The following CDC45 variants were observed in gnomAD, a reference collection of about 807,000 sequenced individuals.
The protein encoded by CDC45 is cell division control protein 45 homolog.
CDC45 carries 54 observed loss-of-function variants against 77.8 expected under a neutral mutation model. The observed-to-expected ratio is 0.69, with a 90% CI of 0.56 to 0.87. CDC45 has a LOEUF of 0.87. CDC45 is among the 40% of genes least tolerant of loss of function. The pLI, the probability that CDC45 is intolerant of heterozygous loss-of-function variation, is 0.00. For missense variants in CDC45, 649 were observed against 721.6 expected (o/e 0.90, Z 1.15); for synonymous variants, 260 against 272.1 (o/e 0.96, Z 0.44).
intron 5 of CDC45, among the ~76,000 whole-genome samples, chr22:19,488,002 A>G (rs2090099130): frequency 6.6e-6 from 1 of 151,438 alleles, no homozygotes; most frequent in Non-Finnish European, 1.5e-5. Context: ...TAAAGGTTGG[A>G]TGTTAGAGCT....
chr22:19,484,031 C>T (rs1245148622), intron 5 of CDC45, 26 bp downstream of exon 5: 2 of 1,573,786 alleles, frequency 1.3e-6, no homozygotes, highest in African/African-American at 1.4e-5. Context: ...TCACAGCTAT[C>T]CCAGAGGAAC....
chr22:19,505,939 TG>T (rs1221849221), intron 10 of CDC45, among the ~76,000 whole-genome samples: 1 of 152,002 alleles, frequency 6.6e-6, no homozygotes, highest in Non-Finnish European at 1.5e-5. Context: ...CAGGAGGGGC[TG>T]GGGGACTGGC....
chr22:19,494,898 T>C (rs2090215663), intron 6 of CDC45, among the ~76,000 whole-genome samples: 1 of 152,074 alleles, frequency 6.6e-6, no homozygotes, highest in Non-Finnish European at 1.5e-5. Context: ...CCCCCTCGGA[T>C]AAGGACAACG....
At chr22:19,499,790 T>A (rs904496275) in intron 9 of CDC45, among the ~76,000 whole-genome samples, 1 of 152,166 alleles carries the variant, frequency 6.6e-6, no homozygotes, top group African/African-American at 2.4e-5. Flanking sequence ...TCAGGCAGAA[T>A]CTCTTAGGGA....
At chr22:19,499,072 G>A (rs1332026995) in intron 8 of CDC45, 29 bp from the exon 9 acceptor site, 1 of 1,613,326 alleles carries the variant, frequency 6.2e-7, no homozygotes, top group Admixed American at 1.7e-5. Flanking sequence ...TGGGCTATAG[G>A]CCGGCTCCAC....
intron 8 of CDC45, among the ~76,000 whole-genome samples, chr22:19,497,693 C>T (rs1440428099): frequency 1.3e-5 from 2 of 152,160 alleles, no homozygotes; most frequent in Non-Finnish European, 2.9e-5. Flanking sequence ...TACAGCTTCA[C>T]CTTCCCCACT....
chr22:19,498,812 G>C (rs1437362411), intron 8 of CDC45, among the ~76,000 whole-genome samples: 4 of 152,306 alleles, frequency 2.6e-5, no homozygotes, highest in Middle Eastern at 3.4e-3. Context: ...GGGTGGGAGT[G>C]CTGGCTCCTA....
chr22:19,490,455 A>G (rs956040931), intron 5 of CDC45, among the ~76,000 whole-genome samples: 30 of 151,882 alleles, frequency 2.0e-4, no homozygotes, highest in Admixed American at 5.9e-4. Context: ...GCTCACTGCA[A>G]CCTCTGCCTC....
intron 12 of CDC45, 127 bp downstream of exon 12, chr22:19,507,991 AAAC>A (rs1456965850): frequency 4.6e-6 from 3 of 646,892 alleles, no homozygotes; most frequent in African/African-American, 1.8e-5. Context: ...AATGCAAAAA[AAAC>A]AACAACCCGA....
intron 10 of CDC45, among the ~76,000 whole-genome samples, chr22:19,505,717 G>T (rs901091006): frequency 1.3e-5 from 2 of 152,246 alleles, no homozygotes; most frequent in African/African-American, 2.4e-5. Flanking sequence ...TCCCTGTAAA[G>T]TGCTTATTGT....
chr22:19,488,080 A>G (rs2090100536), intron 5 of CDC45, among the ~76,000 whole-genome samples: 1 of 152,190 alleles, frequency 6.6e-6, no homozygotes. Flanking sequence ...CAGGTGCTAT[A>G]ATATCGTGGC....
intron 6 of CDC45, chr22:19,494,584 C>G (rs548610021): frequency 1.3e-6 from 2 of 1,546,896 alleles, no homozygotes; most frequent in African/African-American, 1.4e-5. Context: ...AGTGACAGGA[C>G]AGCCCCAAGG....
At chr22:19,485,918 AC>A (rs2090059947) in intron 5 of CDC45, among the ~76,000 whole-genome samples, 1 of 152,244 alleles carries the variant, frequency 6.6e-6, no homozygotes, top group African/African-American at 2.4e-5. Flanking sequence ...CTCAAAAAAA[AC>A]AAAAACAGTT....
Position 19,494,376 on chromosome 22 carries a change from C to T in CDC45, c.536C>T (p.Ala179Val). The change falls in exon 6 of 19, where the codon GCC becomes GTC. Residue 179 changes from alanine (A) to valine (V), a missense_variant. Ala to Val is a moderately conservative substitution (Grantham distance 64). Coordinates refer to ENST00000263201, the MANE Select transcript of CDC45 (RefSeq NM_003504.5). ...AGGAGGCAGCGGCGAGAGTGGGAGGCCCGGAGGTGAGTCTGTGCTTCCAGC... is the reference window on the plus strand; with the variant it reads ...AGGAGGCAGCGGCGAGAGTGGGAGGTCCGGAGGTGAGTCTGTGCTTCCAGC... ...MRRRQRREWE[A>V]RRRDILFDYE... is the part of the protein sequence containing the mutation. 1 of 1,613,414 alleles carries T rather than the reference C, an allele frequency of 6.2e-7. No individual in the cohort carries two copies. The highest frequency in any genetic ancestry group is 8.5e-7 in the Non-Finnish European group (1 of 1,179,918).
At chr22:19,485,379 T>C (rs1284763071) in intron 5 of CDC45, among the ~76,000 whole-genome samples, 1 of 152,240 alleles carries the variant, frequency 6.6e-6, no homozygotes, top group African/African-American at 2.4e-5. Flanking sequence ...ATACTGATCA[T>C]GTAAATGAGC....
At chr22:19,498,665 A>C (rs556360748) in intron 8 of CDC45, among the ~76,000 whole-genome samples, 8 of 152,272 alleles carry the variant, frequency 5.3e-5, no homozygotes, top group African/African-American at 1.9e-4. Context: ...GGCATGTGCC[A>C]TGAGGGGCTC....
intron 9 of CDC45, chr22:19,505,136 C>T (rs1010431520): frequency 1.0e-4 from 55 of 551,826 alleles, no homozygotes; most frequent in African/African-American, 6.3e-4. Context: ...CCATGAGGAC[C>T]GGAGGTGGAC....
chr22:19,513,255 G>A (rs1227009291), intron 13 of CDC45, among the ~76,000 whole-genome samples: 15 of 152,264 alleles, frequency 9.9e-5, no homozygotes, highest in Non-Finnish European at 2.9e-5. Flanking sequence ...GTGCTTTTAC[G>A]TTTTCAAGAC....
chr22:19,507,962 A>G (rs1465575826), intron 12 of CDC45, 98 bp downstream of exon 12: 1 of 774,320 alleles, frequency 1.3e-6, no homozygotes, highest in African/African-American at 1.7e-5. Flanking sequence ...TGCAAAAAAA[A>G]CCAACGTGCT....
Sources: allele counts gnomAD v4.1 joint callset (sites outside exome capture counted in the v4.1 genomes callset), GRCh38; gene constraint gnomAD v4.1.1; transcripts MANE v1.5; gene names NCBI Gene and HGNC (gene_info 2026-07-23, HGNC 2026-07-21).